Variants in COX18 observed in about 807,000 individuals in gnomAD.
COX18 encodes cytochrome c oxidase assembly protein COX18, mitochondrial.
Under a neutral mutation model 38.0 loss-of-function variants are expected in COX18, and 45 were observed. The ratio of observed to expected loss-of-function variants is 1.18; its 90% CI spans 0.93 to 1.52. The LOEUF (loss-of-function observed/expected upper bound fraction) is 1.52, where lower values mean the gene tolerates loss of function less well. Ranked by LOEUF, COX18 falls within the 40% of genes most tolerant of loss-of-function variation. COX18 has a pLI of 0.00. For synonymous variants in COX18, 177 were observed against 169.8 expected, an observed-to-expected ratio of 1.04 and a Z score of -0.33; for missense variants, 462 against 423.8, an observed-to-expected ratio of 1.09 and a Z score of -0.79.
In COX18 at chr4:73,069,641, G is replaced by A. The variant is rs763772287; in HGVS notation, c.9C>T (p.Cys3=). ML[C]RLGGRWLRPL... The stretch of plus-strand genomic sequence containing the variant: ...GCCGCAGCCACCGACCGCCGAGCCG[G>A]CACAGCATTTCTGCACCACGGCGGA... Residue 3 remains cysteine, a synonymous_variant, in exon 1 of 6, where the codon TGC becomes TGT. Coordinates refer to ENST00000507544, the MANE Select transcript of COX18 (RefSeq NM_001297732.2). The A allele has an allele frequency of 6.5e-7, 1 of 1,549,190 alleles. No homozygotes were observed.
intron 4 of COX18, among the ~76,000 whole-genome samples, chr4:73,064,290 C>G (rs1230699364): frequency 6.6e-6 from 1 of 152,028 alleles, no homozygotes; most frequent in Non-Finnish European, 1.5e-5. Context: ...ACTGAGAGGT[C>G]ACATTTTCTA....
chr4:73,065,382 T>G lies in COX18; in HGVS notation c.466A>C (p.Ile156Leu). The change falls in exon 3 of 6, where the codon ATT (isoleucine) becomes CTT (leucine). Residue 156 changes from isoleucine (I) to leucine (L), a missense_variant. Transcript: ENST00000507544. ...LTYLKNMRRL[I>L]SELYVRDNCH... ...TTATCTCGCACATATAGCTCTGAAA[T>G]TAGCCTCCTCATATTCTTTAGATAA... 6.2e-7 allele frequency: 1 copy of G among 1,613,656 alleles called. No homozygotes were observed. Among genetic ancestry groups the G allele is most frequent in the Non-Finnish European group, 8.5e-7 (1 of 1,179,758 alleles).
Position 73,052,390 on chromosome 4 carries a change from A to T in COX18, c.*5724T>A. On this transcript the variant is annotated 3_prime_UTR_variant, in exon 6 of 6. Coordinates refer to ENST00000507544, the MANE Select transcript of COX18 (RefSeq NM_001297732.2). Reference sequence around the variant, plus strand: ...CTTATATAGTTGTATTTTTATTTTTATATAAATTTATATTCTTATTTTAGT... The same window carrying T: ...CTTATATAGTTGTATTTTTATTTTTTTATAAATTTATATTCTTATTTTAGT... 6.6e-6 allele frequency: 1 copy of T among 151,946 alleles called. No individual in the cohort carries two copies. The highest frequency in any genetic ancestry group is 2.1e-4 in the South Asian group (1 of 4,822). 9.4% of individuals were successfully genotyped at this position (151,946 alleles called of 1,614,324 possible). A position where few individuals can be genotyped will look rare whatever the true frequency, so the allele number is the denominator to read the frequency against.
Position 73,053,249 on chromosome 4 carries a change from CCG to C in COX18, c.*4863_*4864del, listed in dbSNP as rs1179397248. 6.6e-6 allele frequency: 1 copy of C among 152,092 alleles called. No homozygotes were observed. The highest frequency in any genetic ancestry group is 6.6e-5 in the Admixed American group (1 of 15,266). 9.4% of individuals were successfully genotyped at this position (152,092 alleles called of 1,614,324 possible). ...GCAGCCAGCCTTGGTATGTAACAAA[CCG>C]CACTGCTCATGCACCTAGAAGGTCA... On this transcript the variant is annotated 3_prime_UTR_variant, in exon 6 of 6. Coordinates refer to ENST00000507544, the MANE Select transcript of COX18 (RefSeq NM_001297732.2).
chr4:73,069,455 C>T lies in COX18; in HGVS notation c.195G>A (p.Arg65=), dbSNP rs1426934833. 4 of 1,588,740 alleles carry T rather than the reference C, an allele frequency of 2.5e-6. No homozygotes were observed. Among genetic ancestry groups the T allele is most frequent in the East Asian group, 2.3e-5 (1 of 43,526 alleles). The change falls in exon 1 of 6, where the codon CGG becomes CGA. Residue 65 remains arginine, a synonymous_variant. Coordinates refer to ENST00000507544, the MANE Select transcript of COX18 (RefSeq NM_001297732.2). ...YEALAASSPV[R]VAEEVLLGVH... ...CGCCGAGCAGTACTTCCTCCGCAAC[C>T]CGCACCGGCGAAGACGCGGCCAGGG...
intron 4 of COX18, among the ~76,000 whole-genome samples, chr4:73,063,043 A>C (rs1027590978): frequency 6.6e-6 from 1 of 151,982 alleles, no homozygotes; most frequent in Non-Finnish European, 1.5e-5. Flanking sequence ...AGTGGCTCAC[A>C]CCTGTAATTC....
Position 73,064,795 on chromosome 4 carries a change from T to C in COX18, c.706A>G (p.Asn236Asp). 6.2e-7 allele frequency: 1 copy of C among 1,613,724 alleles called. No homozygotes were observed. Among genetic ancestry groups the C allele is most frequent in the East Asian group, 2.2e-5 (1 of 44,870 alleles). The change falls in exon 4 of 6, where the codon AAT becomes GAT. Residue 236 changes from asparagine (N) to aspartate (D), a missense_variant. Asn to Asp is a conservative substitution (Grantham distance 23). Transcript: ENST00000507544. ...WILPISVGVINLLIVEICALQ... is the reference protein window; with the variant it reads ...WILPISVGVIDLLIVEICALQ... ...CTACTGACCTCCACTATTAACAAATTGATGACGCCAACAGAGATAGGCAGA... is the reference window on the plus strand; with the variant it reads ...CTACTGACCTCCACTATTAACAAATCGATGACGCCAACAGAGATAGGCAGA...
intron 2 of COX18, among the ~76,000 whole-genome samples, chr4:73,066,630 C>G (rs1313372944): frequency 6.6e-6 from 1 of 152,194 alleles, no homozygotes; most frequent in Admixed American, 6.5e-5. Context: ...AACCATCCTG[C>G]CAGTACTGCT....
rs1420612278 is a variant in COX18 at position 73,069,349 on chromosome 4, A to C, written c.301T>G (p.Leu101Val). 6.4e-7 allele frequency: 1 copy of C among 1,551,064 alleles called. No individual in the cohort carries two copies. The highest frequency in any genetic ancestry group is 2.4e-5 in the East Asian group (1 of 41,218). Residue 101 changes from leucine to valine, a missense_variant, in exon 1 of 6, where the codon TTG (leucine) becomes GTG (valine). Transcript: ENST00000507544. ...VALRGAVTLP[L>V]AAYQHYILAK... ...AGGATGTAGTGCTGGTAGGCTGCCA[A>C]AGGCAGCGTGACAGCACCCCGTAAG...
intron 5 of COX18, among the ~76,000 whole-genome samples, chr4:73,061,344 G>C (rs919674652): frequency 2.0e-5 from 3 of 152,124 alleles, no homozygotes; most frequent in Admixed American, 2.0e-4. Context: ...GCAAGAAATA[G>C]AGACAGATTA....
At chr4:73,067,745 G>A (rs532466812) in intron 2 of COX18, among the ~76,000 whole-genome samples, 1 of 144,930 alleles carries the variant, frequency 6.9e-6, no homozygotes, top group South Asian at 2.2e-4. Context: ...GGAGGCTGAG[G>A]GAGGAGAATC....
rs962606485 is a variant in COX18, at chr4:73,069,716, G to A, written c.-67C>T. The A allele has an allele frequency of 1.7e-5, 24 of 1,446,820 alleles. No individual in the cohort carries two copies. The South Asian group carries it at 1.8e-4, about 11-fold the overall frequency. 89.6% of individuals were successfully genotyped at this position (1,446,820 alleles called of 1,614,324 possible). A position where few individuals can be genotyped will look rare whatever the true frequency, so the allele number is the denominator to read the frequency against. On this transcript the variant is annotated 5_prime_UTR_variant, in exon 1 of 6. Coordinates refer to ENST00000507544, the MANE Select transcript of COX18 (RefSeq NM_001297732.2). Reference sequence around the variant, plus strand: ...CAGCGGACATACACCGGCCAGCCAAGGCTGATACGCGCACGCGCCAGCAAC... The same window carrying A: ...CAGCGGACATACACCGGCCAGCCAAAGCTGATACGCGCACGCGCCAGCAAC...
In COX18 at chr4:73,056,245, A is replaced by C. The variant is rs752358095; in HGVS notation, c.*1869T>G. 6 of 152,198 alleles carry C rather than the reference A, an allele frequency of 3.9e-5. No homozygotes were observed. Among genetic ancestry groups the C allele is most frequent in the Non-Finnish European group, 7.3e-5 (5 of 68,028 alleles). 9.4% of individuals were successfully genotyped at this position (152,198 alleles called of 1,614,324 possible). On this transcript the variant is annotated 3_prime_UTR_variant, in exon 6 of 6. Transcript: ENST00000507544. ...CCAGAGCTAATTTTACCTCTTTACA[A>C]ATTAAATAAGCAAGTAACTGGATCC...
At chr4:73,069,152 AATTT>A in intron 1 of COX18, among the ~76,000 whole-genome samples, 161 bp downstream of exon 1, 1 of 152,356 alleles carries the variant, frequency 6.6e-6, no homozygotes, top group African/African-American at 2.4e-5. Context: ...ATGCTAGTTC[AATTT>A]TTTTTAACGC....
intron 1 of COX18, 81 bp downstream of exon 1, chr4:73,069,236 C>T (rs1040850395): frequency 2.8e-6 from 3 of 1,068,808 alleles, no homozygotes; most frequent in East Asian, 2.6e-5. Context: ...ATCGTGCGAT[C>T]GAAAACCCTG....
chr4:73,064,708 A>G, intron 4 of COX18, 70 bp downstream of exon 4: 1 of 1,560,046 alleles, frequency 6.4e-7, no homozygotes, highest in Non-Finnish European at 8.8e-7. Context: ...ACAAAAACAG[A>G]TTTGAAGTCA....
Position 73,069,370 on chromosome 4 carries a change from G to A in COX18, c.280C>T (p.Arg94Trp), listed in dbSNP as rs1720639872. 1.3e-6 allele frequency: 2 copies of A among 1,558,058 alleles called. No homozygotes were observed. Among genetic ancestry groups the A allele is most frequent in the South Asian group, 1.2e-5 (1 of 84,800 alleles). ...GCCAAAGGCAGCGTGACAGCACCCC[G>A]TAAGGCCACGGTGGAGAGCAGAATG... The part of the protein sequence containing the change: ...GSILLSTVAL[R>W]GAVTLPLAAY... Residue 94 changes from arginine (R) to tryptophan (W), a missense_variant, in exon 1 of 6, where the codon CGG becomes TGG. By Grantham distance (101) the Arg-to-Trp change is moderately radical (BLOSUM62 -3). Transcript: ENST00000507544.
At position 73,052,665 on chromosome 4, in the gene COX18, C is replaced by T. The variant is rs557170646; in HGVS notation, c.*5449G>A. 1 of 152,190 alleles carries T rather than the reference C, an allele frequency of 6.6e-6. No homozygotes were observed. Among genetic ancestry groups the T allele is most frequent in the African/African-American group, 2.4e-5 (1 of 41,526 alleles). 9.4% of individuals were successfully genotyped at this position (152,190 alleles called of 1,614,324 possible). ...ATAATTTCCAATTATCTGGGTTCTG[C>T]TTGAACCAGCTCGTAAGGCACAGTG... On this transcript the variant is annotated 3_prime_UTR_variant, in exon 6 of 6. Transcript: ENST00000507544.
At chr4:73,066,997 A>G (rs1720478893) in intron 2 of COX18, among the ~76,000 whole-genome samples, 1 of 152,204 alleles carries the variant, frequency 6.6e-6, no homozygotes, top group Non-Finnish European at 1.5e-5. Flanking sequence ...GCAGTCTAGT[A>G]AGGATTAGAG....
Sources: allele counts gnomAD v4.1 joint callset (sites outside exome capture counted in the v4.1 genomes callset), GRCh38; gene constraint gnomAD v4.1.1; transcripts MANE v1.5; gene names NCBI Gene and HGNC (gene_info 2026-07-23, HGNC 2026-07-21).